The following DNTT variants were observed in gnomAD, a reference collection of about 807,000 sequenced individuals.
DNTT encodes DNA nucleotidylexotransferase.
DNTT carries 47 observed loss-of-function variants against 60.9 expected under a neutral mutation model. The ratio of observed to expected loss-of-function variants is 0.77; its 90% CI spans 0.61 to 0.98. The LOEUF is 0.98. DNTT is among the 50% of genes least tolerant of loss of function. DNTT has a pLI of 0.00. For missense variants in DNTT, 665 were observed against 627.5 expected (o/e 1.06, Z -0.64); for synonymous variants, 224 against 221.2 (o/e 1.01, Z -0.11).
intron 1 of DNTT, among the ~76,000 whole-genome samples, chr10:96,307,325 T>C (rs1844649913): frequency 1.3e-5 from 2 of 151,144 alleles, no homozygotes; most frequent in African/African-American, 4.9e-5. Context: ...TGGCTGTTTT[T>C]ATTTTCTGGG....
intron 1 of DNTT, among the ~76,000 whole-genome samples, chr10:96,315,662 C>A (rs1404933302): frequency 6.6e-6 from 1 of 151,876 alleles, no homozygotes; most frequent in African/African-American, 2.4e-5. Flanking sequence ...TTAGGGGTCC[C>A]AGGGTTCCTC....
chr10:96,307,579 C>A (rs369474821), intron 1 of DNTT, among the ~76,000 whole-genome samples: 1 of 149,510 alleles, frequency 6.7e-6, no homozygotes, highest in Non-Finnish European at 1.5e-5. Flanking sequence ...TGGTCTCGAT[C>A]TCTTGACCTC....
In DNTT at chr10:96,327,517, A is replaced by G. The variant is rs753486079; in HGVS notation, c.924A>G (p.Ala308=). Residue 308 remains alanine (A), a synonymous_variant, in exon 7 of 11, where the codon GCA becomes GCG. Transcript: ENST00000371174. The stretch of plus-strand genomic sequence containing the variant: ...TCAGCTGTGTGACCAGGGCAGAAGC[A>G]GAGGCCGTCAGTGTGCTGGTTAAAG... ...DLVSCVTRAE[A]EAVSVLVKEA... The G allele has an allele frequency of 2.5e-6, 4 of 1,614,150 alleles. No homozygotes were observed. The highest frequency in any genetic ancestry group is 3.4e-6 in the Non-Finnish European group (4 of 1,179,976).
chr10:96,329,648 C>G (rs1180076595), intron 8 of DNTT, among the ~76,000 whole-genome samples: 1 of 152,174 alleles, frequency 6.6e-6, no homozygotes, highest in East Asian at 1.9e-4. Flanking sequence ...GAAACACAAC[C>G]CTAGGGCCAG....
At chr10:96,307,773 ATATAT>A (rs1564868569) in intron 1 of DNTT, among the ~76,000 whole-genome samples, 2 of 100,396 alleles carry the variant, frequency 2.0e-5, no homozygotes, top group Admixed American at 2.2e-4. Context: ...ATATATATAT[ATATAT>A]TTTTTTTTTT....
At chr10:96,327,662 A>T (rs1238586424) in intron 7 of DNTT, 62 bp downstream of exon 7, 60 of 1,559,768 alleles carry the variant, frequency 3.8e-5, no homozygotes, top group Non-Finnish European at 4.9e-5. Context: ...CCTGACTTGG[A>T]CAGGCATCTG....
chr10:96,306,818 T>C (rs1458305101), intron 1 of DNTT: 1 of 152,232 alleles, frequency 6.6e-6, no homozygotes, highest in African/African-American at 2.4e-5. Flanking sequence ...AATACAAATG[T>C]GCTCTATGGC....
At position 96,319,318 on chromosome 10, in the gene DNTT, T is replaced by C; in HGVS notation, c.435T>C (p.Ile145=). The C allele has an allele frequency of 2.5e-6, 4 of 1,613,860 alleles. No individual in the cohort carries two copies. Among genetic ancestry groups the C allele is most frequent in the Non-Finnish European group, 3.4e-6 (4 of 1,179,802 alleles). Residue 145 remains isoleucine (I), a synonymous_variant, in exon 3 of 11, where the codon ATT becomes ATC. Coordinates refer to ENST00000371174, the MANE Select transcript of DNTT (RefSeq NM_004088.4). ...CAGGCCCCCCGAAGACTCCACCAAT[T>C]GCTGTACAAAAGATCTCCCAGTATG... ...TNPGPPKTPP[I]AVQKISQYAC...
At position 96,328,848 on chromosome 10, in the gene DNTT, A is replaced by G. The variant is rs1844971151; in HGVS notation, c.1113+18A>G. The G allele has an allele frequency of 6.2e-7, 1 of 1,606,876 alleles. No homozygotes were observed. The highest frequency in any genetic ancestry group is 8.5e-7 in the Non-Finnish European group (1 of 1,176,230). On this transcript the variant is annotated intron_variant, in intron 8 of 10. Transcript: ENST00000371174. ...AAAAGAAGGTGAGAAGAAAGATGAA[A>G]AATACATGCACACGCAAACATTATG...
chr10:96,320,707 A>G lies in DNTT; in HGVS notation c.597A>G (p.Lys199=). 6.2e-7 allele frequency: 1 copy of G among 1,613,828 alleles called. No individual in the cohort carries two copies. Among genetic ancestry groups the G allele is most frequent in the Non-Finnish European group, 8.5e-7 (1 of 1,179,830 alleles). ...VTFMRAASVL[K]SLPFTIISMK... Reference sequence around the variant, plus strand: ...TTATGAGAGCAGCTTCTGTATTGAAATCTCTGCCATTCACAATCATCAGTA... The same window carrying G: ...TTATGAGAGCAGCTTCTGTATTGAAGTCTCTGCCATTCACAATCATCAGTA... Residue 199 remains lysine, a synonymous_variant, in exon 4 of 11, where the codon AAA becomes AAG. Transcript: ENST00000371174.
intron 9 of DNTT, among the ~76,000 whole-genome samples, chr10:96,334,181 G>GC (rs1476174871): frequency 6.6e-6 from 1 of 152,198 alleles, no homozygotes; most frequent in Non-Finnish European, 1.5e-5. Flanking sequence ...AGACCTGGTT[G>GC]CAAGCTCCTG....
intron 1 of DNTT, among the ~76,000 whole-genome samples, chr10:96,316,955 C>G (rs1844793892): frequency 6.6e-6 from 1 of 152,026 alleles, no homozygotes; most frequent in Non-Finnish European, 1.5e-5. Flanking sequence ...TTAAAAATAC[C>G]TCATGAATCA....
rs778192352 is a variant in DNTT, at chr10:96,304,631, G to A, written c.134G>A (p.Gly45Glu). Residue 45 changes from glycine (G) to glutamate (E), a missense_variant, in exon 1 of 11, where the codon GGA (glycine) becomes GAA (glutamate). Physicochemically the swap from Gly to Glu is moderately conservative, Grantham distance 98 (BLOSUM62 -2). Transcript: ENST00000371174. ...LVVFILEKKM[G>E]TTRRAFLMEL... ...GTCTTCATTTTGGAGAAGAAAATGG[G>A]AACCACCCGCAGAGCGTTCCTCATG... 1.2e-6 allele frequency: 2 copies of A among 1,614,142 alleles called. No homozygotes were observed. The highest frequency in any genetic ancestry group is 1.3e-5 in the African/African-American group (1 of 75,036).
chr10:96,307,777 A>ATATATATATTT (rs768634575), intron 1 of DNTT, among the ~76,000 whole-genome samples: 11 of 126,018 alleles, frequency 8.7e-5, no homozygotes, highest in African/African-American at 3.4e-4. Flanking sequence ...ATATATATAT[A>ATATATATATTT]TTTTTTTTTT....
chr10:96,304,977 C>A (rs993906811), intron 1 of DNTT, among the ~76,000 whole-genome samples: 2 of 152,186 alleles, frequency 1.3e-5, no homozygotes, highest in Non-Finnish European at 2.9e-5. Context: ...GGATGATAAG[C>A]AGAACACTAA....
chr10:96,333,357 G>A (rs567889074), intron 9 of DNTT, among the ~76,000 whole-genome samples: 1 of 152,316 alleles, frequency 6.6e-6, no homozygotes, highest in South Asian at 2.1e-4. Flanking sequence ...GAACCCTCTT[G>A]TATTGTTGGT....
Position 96,307,720 on chromosome 10 carries a change from TATATATATATATAA to T in DNTT, c.203+3021_203+3034del, listed in dbSNP as rs1289664163. On this transcript the variant is annotated intron_variant, in intron 1 of 10. Coordinates refer to ENST00000371174, the MANE Select transcript of DNTT (RefSeq NM_004088.4). ...GTGTGTGTGTGTATATATATATATA[TATATATATATATAA>T]GCATATATATGTGTGTGTGTGTGCA... 5.3e-4 allele frequency among the ~76,000 whole-genome samples: 76 copies of T among 143,332 alleles called. 2 individuals are homozygous for T. The South Asian group carries it at 0.012, about 22-fold the overall frequency. 94.0% of individuals were successfully genotyped at this position (143,332 alleles called of 152,430 possible).
chr10:96,332,238 A>C, intron 8 of DNTT, 113 bp from the exon 9 acceptor site: 1 of 1,482,368 alleles, frequency 6.7e-7, no homozygotes, highest in Non-Finnish European at 9.0e-7. Context: ...TGCAAGGCCA[A>C]ACACATGTCC....
chr10:96,310,589 C>A (rs1195870451), intron 1 of DNTT, among the ~76,000 whole-genome samples: 2 of 152,140 alleles, frequency 1.3e-5, no homozygotes, highest in Non-Finnish European at 2.9e-5. Flanking sequence ...GCTTTCCTCC[C>A]TAGAATGCTG....
Sources: allele counts gnomAD v4.1 joint callset (sites outside exome capture counted in the v4.1 genomes callset), GRCh38; gene constraint gnomAD v4.1.1; transcripts MANE v1.5; gene names NCBI Gene and HGNC (gene_info 2026-07-23, HGNC 2026-07-21).